Variants in JARID2 observed in about 807,000 individuals in gnomAD.
JARID2 encodes jumonji and AT-rich interaction domain containing 2, also known as protein Jumonji.
Under a neutral mutation model 125.6 loss-of-function variants are expected in JARID2, and 21 were observed. That is an observed-to-expected ratio of 0.17 (90% confidence interval 0.12 to 0.24). The LOEUF (loss-of-function observed/expected upper bound fraction) is 0.24, where lower values mean the gene tolerates loss of function less well. JARID2 is among the 10% of genes least tolerant of loss of function. The pLI, the probability that JARID2 is intolerant of heterozygous loss-of-function variation, is 1.00. For synonymous variants in JARID2, 736 were observed against 661.6 expected, an observed-to-expected ratio of 1.11 and a Z score of -1.73; for missense variants, 1,303 against 1,639.6, an observed-to-expected ratio of 0.79 and a Z score of 3.55.
At chr6:15,328,970 G>A (rs2127452702) in intron 1 of JARID2, among the ~76,000 whole-genome samples, 1 of 152,316 alleles carries the variant, frequency 6.6e-6, no homozygotes, top group Admixed American at 6.5e-5. Flanking sequence ...AAAAGCCAGA[G>A]AGATCTTCAA....
chr6:15,477,099 G>A (rs2299037), intron 5 of JARID2, among the ~76,000 whole-genome samples: 120,224 of 152,102 alleles, frequency 0.79, 47,571 homozygotes, highest in African/African-American at 0.83. Flanking sequence ...GAAGAGGGAT[G>A]TTTCTCAGAA....
At chr6:15,483,169 A>G (rs1424891436) in intron 5 of JARID2, among the ~76,000 whole-genome samples, 1 of 152,248 alleles carries the variant, frequency 6.6e-6, no homozygotes, top group East Asian at 1.9e-4. Context: ...TCCTTCTTGA[A>G]ATAAAAACAA....
chr6:15,319,118 C>T (rs1762270112), intron 1 of JARID2, among the ~76,000 whole-genome samples: 1 of 152,126 alleles, frequency 6.6e-6, no homozygotes, highest in Admixed American at 6.5e-5. Context: ...TATTCACTTT[C>T]TTGCAGGGAG....
At chr6:15,436,341 C>G (rs759394384) in intron 3 of JARID2, among the ~76,000 whole-genome samples, 3 of 152,162 alleles carry the variant, frequency 2.0e-5, no homozygotes, top group African/African-American at 7.2e-5. Flanking sequence ...GCGGGCTGCA[C>G]GCTGGTCGAT....
chr6:15,309,641 A>G (rs1761947763), intron 1 of JARID2, among the ~76,000 whole-genome samples: 1 of 152,086 alleles, frequency 6.6e-6, no homozygotes, highest in Admixed American at 6.6e-5. Flanking sequence ...ATGTATACAT[A>G]TAATATATAA....
At chr6:15,450,840 C>G (rs1041100720) in intron 3 of JARID2, among the ~76,000 whole-genome samples, 2 of 152,172 alleles carry the variant, frequency 1.3e-5, no homozygotes, top group Non-Finnish European at 2.9e-5. Context: ...TTCTTATTGG[C>G]TACTGTGTTA....
chr6:15,345,299 T>G (rs1287798859), intron 1 of JARID2, among the ~76,000 whole-genome samples: 1 of 152,212 alleles, frequency 6.6e-6, no homozygotes, highest in Non-Finnish European at 1.5e-5. Flanking sequence ...CTTTTGGAAG[T>G]ACAAAAATTC....
intron 3 of JARID2, among the ~76,000 whole-genome samples, chr6:15,416,313 G>T (rs1281680576): frequency 2.0e-5 from 3 of 152,216 alleles, no homozygotes; most frequent in East Asian, 3.9e-4. Context: ...TGCAATCTCG[G>T]CACTTTGGGA....
chr6:15,336,715 A>G (rs933209917), intron 1 of JARID2, among the ~76,000 whole-genome samples: 2 of 141,446 alleles, frequency 1.4e-5, no homozygotes, highest in Admixed American at 7.1e-5. Context: ...TTATTTTTAC[A>G]TTTGTTTTTA....
At chr6:15,405,644 T>TCC (rs1473533165) in intron 2 of JARID2, among the ~76,000 whole-genome samples, 1 of 151,014 alleles carries the variant, frequency 6.6e-6, no homozygotes, top group Non-Finnish European at 1.5e-5. Context: ...TAACCTCCTC[T>TCC]CCCCAACAAA....
intron 1 of JARID2, among the ~76,000 whole-genome samples, chr6:15,291,863 TTTTG>T (rs1761229462): frequency 6.6e-6 from 1 of 152,190 alleles, no homozygotes; most frequent in Non-Finnish European, 1.5e-5. Context: ...TATATACAAT[TTTTG>T]TTTTTCTATT....
At chr6:15,513,631 T>C (rs1417599493) in intron 16 of JARID2, among the ~76,000 whole-genome samples, 1 of 152,204 alleles carries the variant, frequency 6.6e-6, no homozygotes, top group East Asian at 1.9e-4. Context: ...AGGCTGTCCC[T>C]CTGTTCTGCC....
intron 12 of JARID2, chr6:15,508,878 C>A: frequency 9.8e-7 from 1 of 1,019,114 alleles, no homozygotes; most frequent in Non-Finnish European, 1.3e-6. Context: ...AAGTGCCACA[C>A]AAAGCTAACC....
At chr6:15,507,643 C>G (rs1053822436) in intron 11 of JARID2, among the ~76,000 whole-genome samples, 1 of 152,182 alleles carries the variant, frequency 6.6e-6, no homozygotes, top group African/African-American at 2.4e-5. Flanking sequence ...GAGTCTGGAG[C>G]TGGGAGAAGC....
chr6:15,424,610 C>A (rs1278256759), intron 3 of JARID2, among the ~76,000 whole-genome samples: 2 of 152,094 alleles, frequency 1.3e-5, no homozygotes, highest in Non-Finnish European at 2.9e-5. Context: ...GTAATCCCAG[C>A]ACTTTGGGGG....
intron 1 of JARID2, among the ~76,000 whole-genome samples, chr6:15,273,928 ATCTTT>A (rs1056013377): frequency 7.6e-6 from 1 of 131,990 alleles, no homozygotes; most frequent in African/African-American, 2.7e-5. Context: ...TTTTGTCTAT[ATCTTT>A]TTTTTTTTTT....
intron 1 of JARID2, among the ~76,000 whole-genome samples, chr6:15,287,477 C>G (rs1164902659): frequency 6.6e-6 from 1 of 152,126 alleles, no homozygotes; most frequent in Non-Finnish European, 1.5e-5. Flanking sequence ...CACTGTAAAT[C>G]AGTATAAGAG....
At chr6:15,410,188 T>C in intron 2 of JARID2, 36 bp from the exon 3 acceptor site, 2 of 1,598,664 alleles carry the variant, frequency 1.3e-6, no homozygotes, top group Non-Finnish European at 1.7e-6. Context: ...CCTGATGTGA[T>C]GTATTTAAGT....
chr6:15,332,820 A>G (rs1262842975), intron 1 of JARID2, among the ~76,000 whole-genome samples: 3 of 150,434 alleles, frequency 2.0e-5, no homozygotes, highest in Non-Finnish European at 2.9e-5. Flanking sequence ...TTGTCTGTCT[A>G]CTCCTTGTTT....
Sources: allele counts gnomAD v4.1 joint callset (sites outside exome capture counted in the v4.1 genomes callset), GRCh38; gene constraint gnomAD v4.1.1; transcripts MANE v1.5; gene names NCBI Gene and HGNC (gene_info 2026-07-23, HGNC 2026-07-21).